The following PROS1 variants were observed in gnomAD, a reference collection of about 807,000 sequenced individuals.
PROS1 encodes vitamin K-dependent protein S.
PROS1 carries 29 observed loss-of-function variants against 75.9 expected under a neutral mutation model. The observed-to-expected ratio is 0.38, with a 90% CI of 0.28 to 0.52. The LOEUF is 0.52. PROS1 is among the 20% of genes least tolerant of loss of function. The pLI, the probability that PROS1 is intolerant of heterozygous loss-of-function variation, is 0.83. For synonymous variants in PROS1, 245 were observed against 280.6 expected (o/e 0.87, Z 1.27); for missense variants, 680 against 810.3 (o/e 0.84, Z 1.95).
chr3:93,941,438 C>A (rs2107225829), intron 1 of PROS1, among the ~76,000 whole-genome samples: 1 of 152,312 alleles, frequency 6.6e-6, no homozygotes, highest in East Asian at 1.9e-4. Flanking sequence ...ACAACAGCTC[C>A]TTTCCTTCCT....
At chr3:93,943,995 T>C (rs1709338002) in intron 1 of PROS1, among the ~76,000 whole-genome samples, 1 of 152,230 alleles carries the variant, frequency 6.6e-6, no homozygotes, top group Admixed American at 6.5e-5. Context: ...TCAGCCTGCC[T>C]GCACCTAGGT....
rs763043055 is a variant in PROS1 at position 93,973,737 on chromosome 3, C to T, written c.13G>A (p.Gly5Ser). Residue 5 changes from glycine to serine, a missense_variant, in exon 1 of 15, where the codon GGT becomes AGT. Coordinates refer to ENST00000394236, the MANE Select transcript of PROS1 (RefSeq NM_000313.4). MRVL[G>S]GRCGALLACL... is the part of the protein sequence containing the mutation. ...GCCAGCAGCGCCCCGCAGCGCCCAC[C>T]CAGGACCCTCATTTCGAAGCGCGCG... 1 of 1,613,370 alleles carries T rather than the reference C, an allele frequency of 6.2e-7. No homozygotes were observed. Among genetic ancestry groups the T allele is most frequent in the Non-Finnish European group, 8.5e-7 (1 of 1,179,680 alleles).
intron 1 of PROS1, among the ~76,000 whole-genome samples, chr3:93,967,286 C>T (rs140798801): frequency 8.1e-4 from 123 of 152,340 alleles, no homozygotes; most frequent in Non-Finnish European, 1.1e-3. Context: ...GGAGGAGCAG[C>T]ATAGGTAGAG....
In PROS1 at chr3:93,910,636, A is replaced by C. The variant is rs1708746146; in HGVS notation, c.329T>G (p.Leu110Arg). 4 of 1,613,090 alleles carry C rather than the reference A, an allele frequency of 2.5e-6. No individual in the cohort carries two copies. The South Asian group carries it at 4.4e-5, about 18-fold the overall frequency. Reference protein sequence around the residue: ...ARQSTNAYPDLRSCVNAIPDQ... With the variant: ...ARQSTNAYPDRRSCVNAIPDQ... ...GTGCTTACCATTGACACAGCTTCTT[A>C]GGTCAGGATAAGCATTAGTTGACTG... Residue 110 changes from leucine (L) to arginine (R), a missense_variant, in exon 4 of 15, where the codon CTA becomes CGA. By Grantham distance (102) the Leu-to-Arg change is moderately radical. Coordinates refer to ENST00000394236, the MANE Select transcript of PROS1 (RefSeq NM_000313.4).
chr3:93,876,784 A>G (rs903233998), intron 14 of PROS1, among the ~76,000 whole-genome samples, 182 bp downstream of exon 14: 1 of 152,192 alleles, frequency 6.6e-6, no homozygotes, highest in Non-Finnish European at 1.5e-5. Flanking sequence ...AACATTTTTA[A>G]ACTAAACAAA....
At chr3:93,898,641 AT>A (rs2107158490) in intron 7 of PROS1, 72 bp from the exon 8 acceptor site, 2 of 1,546,422 alleles carry the variant, frequency 1.3e-6, no homozygotes, top group South Asian at 2.2e-5. Context: ...GCAGAGGAAT[AT>A]TATGATTGTA....
chr3:93,916,461 C>T (rs1317937132), intron 3 of PROS1, among the ~76,000 whole-genome samples: 1 of 152,198 alleles, frequency 6.6e-6, no homozygotes, highest in East Asian at 1.9e-4. Context: ...TAGAAGCCTA[C>T]ATTAATATTC....
chr3:93,907,032 G>A (rs1366786502), intron 4 of PROS1, among the ~76,000 whole-genome samples: 1 of 152,194 alleles, frequency 6.6e-6, no homozygotes, highest in Non-Finnish European at 1.5e-5. Flanking sequence ...AGTGGCAGGA[G>A]GTAGACAGCT....
At chr3:93,964,556 A>G (rs1195624952) in intron 1 of PROS1, among the ~76,000 whole-genome samples, 1 of 151,994 alleles carries the variant, frequency 6.6e-6, no homozygotes, top group Non-Finnish European at 1.5e-5. Context: ...CTCGAACCCT[A>G]TTTTCTGTTG....
chr3:93,962,176 C>T (rs1478208247), intron 1 of PROS1, among the ~76,000 whole-genome samples: 2 of 152,026 alleles, frequency 1.3e-5, no homozygotes, highest in African/African-American at 4.8e-5. Flanking sequence ...TAGTTAGCAG[C>T]TCTTACTCAC....
intron 12 of PROS1, among the ~76,000 whole-genome samples, chr3:93,880,361 G>A (rs1283295279): frequency 6.6e-6 from 1 of 152,072 alleles, no homozygotes; most frequent in Admixed American, 6.5e-5. Flanking sequence ...AATTAGCCGA[G>A]CATGGTGGTG....
At chr3:93,921,545 G>T (rs1048442694) in intron 3 of PROS1, among the ~76,000 whole-genome samples, 5 of 151,994 alleles carry the variant, frequency 3.3e-5, no homozygotes, top group African/African-American at 1.2e-4. Flanking sequence ...CTTTGGCTGC[G>T]GTTTTAACTT....
chr3:93,937,630 G>C (rs181220491), intron 1 of PROS1, among the ~76,000 whole-genome samples: 2 of 152,186 alleles, frequency 1.3e-5, no homozygotes, highest in African/African-American at 2.4e-5. Flanking sequence ...GCCTCCCAAA[G>C]TACTGGGATT....
intron 10 of PROS1, among the ~76,000 whole-genome samples, chr3:93,890,521 G>C (rs1360403075): frequency 3.9e-5 from 6 of 152,056 alleles, no homozygotes; most frequent in Non-Finnish European, 7.4e-5. Context: ...GGCTCAGGTG[G>C]GCATCACAGT....
At chr3:93,973,172 A>T (rs1709906864) in intron 1 of PROS1, among the ~76,000 whole-genome samples, 1 of 152,116 alleles carries the variant, frequency 6.6e-6, no homozygotes, top group Admixed American at 6.5e-5. Context: ...TGCTATACAA[A>T]CCCTCAGTCA....
At chr3:93,919,419 A>AT (rs62749160) in intron 3 of PROS1, among the ~76,000 whole-genome samples, 80,189 of 143,708 alleles carry the variant, frequency 0.56, 24,592 homozygotes, top group East Asian at 0.69. Flanking sequence ...AATTTTCCCT[A>AT]TTTTTTTTTT....
In PROS1 at chr3:93,898,544, C is replaced by T; in HGVS notation, c.753G>A (p.Met251Ile). ...CEDIDECSENMCAQLCVNYPG... is the reference protein window; with the variant it reads ...CEDIDECSENICAQLCVNYPG... ...GGTAATTGACACAAAGCTGAGCACACATGTTCTCAGAGCATTCATCTATAT... is the reference window on the plus strand; with the variant it reads ...GGTAATTGACACAAAGCTGAGCACATATGTTCTCAGAGCATTCATCTATAT... The change falls in exon 8 of 15, where the codon ATG becomes ATA. Residue 251 changes from methionine to isoleucine, a missense_variant. Coordinates refer to ENST00000394236, the MANE Select transcript of PROS1 (RefSeq NM_000313.4). 1 of 1,612,556 alleles carries T rather than the reference C, an allele frequency of 6.2e-7. No homozygotes were observed.
At chr3:93,920,527 T>C (rs1326368218) in intron 3 of PROS1, among the ~76,000 whole-genome samples, 1 of 152,186 alleles carries the variant, frequency 6.6e-6, no homozygotes, top group Non-Finnish European at 1.5e-5. Flanking sequence ...CATAGAATTA[T>C]CTAAATACCT....
intron 1 of PROS1, among the ~76,000 whole-genome samples, chr3:93,945,871 C>G (rs929710109): frequency 6.6e-6 from 1 of 152,168 alleles, no homozygotes; most frequent in Non-Finnish European, 1.5e-5. Flanking sequence ...GTCAAATTGT[C>G]CCTGTGTGCA....
Sources: allele counts gnomAD v4.1 joint callset (sites outside exome capture counted in the v4.1 genomes callset), GRCh38; gene constraint gnomAD v4.1.1; transcripts MANE v1.5; gene names NCBI Gene and HGNC (gene_info 2026-07-23, HGNC 2026-07-21).